The following GRIN2A variants were observed in gnomAD, a reference collection of about 807,000 sequenced individuals.
GRIN2A encodes the protein glutamate ionotropic receptor NMDA type subunit 2A, also known as glutamate receptor ionotropic, NMDA 2A.
GRIN2A carries 22 observed loss-of-function variants against 113.4 expected under a neutral mutation model. The ratio of observed to expected loss-of-function variants is 0.19; its 90% CI spans 0.14 to 0.28. The LOEUF (loss-of-function observed/expected upper bound fraction) is 0.28. Ranked by LOEUF, GRIN2A falls within the 10% of genes least tolerant of loss-of-function variation. The probability of loss-of-function intolerance (pLI) is 1.00; values close to 1 mark genes in which losing one functional copy is unlikely to be tolerated. For missense variants in GRIN2A, 1,502 were observed against 1,887.0 expected, an observed-to-expected ratio of 0.80 and a Z score of 3.78; for synonymous variants, 827 against 738.4, an observed-to-expected ratio of 1.12 and a Z score of -1.94.
chr16:10,109,232 C>A (rs530605018), intron 2 of GRIN2A, among the ~76,000 whole-genome samples: 1 of 151,930 alleles, frequency 6.6e-6, no homozygotes, highest in South Asian at 2.1e-4. Context: ...GAAATAGAAA[C>A]CTTCACCAAC....
At chr16:9,894,491 C>G (rs1470981005) in intron 3 of GRIN2A, among the ~76,000 whole-genome samples, 1 of 152,030 alleles carries the variant, frequency 6.6e-6, no homozygotes, top group Non-Finnish European at 1.5e-5. Context: ...TTGATGTTTC[C>G]TGGCTGGAGT....
In GRIN2A at chr16:9,901,907, C is replaced by T. The variant is rs770126132; in HGVS notation, c.1008-10807G>A. Among the ~76,000 whole-genome samples, 9 of 152,232 alleles carry T rather than the reference C, an allele frequency of 5.9e-5. No homozygotes were observed. In the East Asian group the frequency reaches 1.7e-3, roughly 29 times the overall value. ...GTCTCCCTGAATATGTGAGTAAGAG[C>T]GATCACTTAAGGATAAGGGACTAAA... On this transcript the variant is annotated intron_variant, in intron 3 of 12. Transcript: ENST00000330684.
In GRIN2A at chr16:10,110,837, A is replaced by G. The variant is rs547929653; in HGVS notation, c.414+69161T>C. 2.0e-5 allele frequency among the ~76,000 whole-genome samples: 3 copies of G among 152,354 alleles called. No individual in the cohort carries two copies. The South Asian group carries it at 6.2e-4, about 32-fold the overall frequency. On this transcript the variant is annotated intron_variant, in intron 2 of 12. Transcript: ENST00000330684. ...CAGAACCAAAAGATGAAAGGAGCTG[A>G]GCCCCTGAATCGTCACTTGTCAGAG...
intron 4 of GRIN2A, among the ~76,000 whole-genome samples, chr16:9,869,634 A>G (rs181074815): frequency 2.0e-5 from 3 of 152,288 alleles, no homozygotes; most frequent in Admixed American, 2.0e-4. Flanking sequence ...GACTAACTTT[A>G]CTTCTTGGAC....
At chr16:9,968,237 C>G (rs1221420629) in intron 2 of GRIN2A, among the ~76,000 whole-genome samples, 1 of 152,144 alleles carries the variant, frequency 6.6e-6, no homozygotes, top group Admixed American at 6.5e-5. Flanking sequence ...TCCCCTGCAT[C>G]TATCATTTCT....
At chr16:9,833,437 C>G (rs1165186015) in intron 8 of GRIN2A, among the ~76,000 whole-genome samples, 1 of 151,990 alleles carries the variant, frequency 6.6e-6, no homozygotes, top group Non-Finnish European at 1.5e-5. Flanking sequence ...TTTATAAAGT[C>G]ATTTTCTTTG....
intron 4 of GRIN2A, among the ~76,000 whole-genome samples, chr16:9,857,319 G>T (rs2042986507): frequency 6.6e-6 from 1 of 152,156 alleles, no homozygotes; most frequent in African/African-American, 2.4e-5. Context: ...TATACGAATT[G>T]ACTCATTATG....
chr16:9,949,071 G>C (rs774783303), intron 2 of GRIN2A, among the ~76,000 whole-genome samples: 1 of 152,176 alleles, frequency 6.6e-6, no homozygotes, highest in African/African-American at 2.4e-5. Context: ...TGAGGAAATA[G>C]GAAACAGCTG....
intron 1 of GRIN2A, among the ~76,000 whole-genome samples, chr16:10,181,298 G>C (rs966114329): frequency 6.6e-6 from 1 of 152,148 alleles, no homozygotes; most frequent in African/African-American, 2.4e-5. Context: ...GTCCCCCCGC[G>C]GGCCAGCGCG....
chr16:9,901,330 C>G (rs1030685063), intron 3 of GRIN2A, among the ~76,000 whole-genome samples: 5 of 152,142 alleles, frequency 3.3e-5, no homozygotes. Context: ...AACTAGACAT[C>G]CAGTGAGGTA....
rs1900496048 is a variant in GRIN2A, at chr16:9,759,735, T to C, written c.*3414A>G. ...TTGCAGAGGACATAACAGTAATGAG[T>C]GGTGAGATTGTGAGATTATAATCCT... On this transcript the variant is annotated 3_prime_UTR_variant, in exon 13 of 13. Coordinates refer to ENST00000330684, the MANE Select transcript of GRIN2A (RefSeq NM_001134407.3). The C allele has an allele frequency of 4.4e-6, 1 of 228,244 alleles. No homozygotes were observed. The highest frequency in any genetic ancestry group is 1.8e-4 in the South Asian group (1 of 5,484). The allele number at this position is 228,244 out of a possible 1,614,324, so 14.1% of individuals were successfully genotyped here. A position where few individuals can be genotyped will look rare whatever the true frequency, so the allele number is the denominator to read the frequency against.
At chr16:10,149,127 T>C (rs2049509464) in intron 2 of GRIN2A, among the ~76,000 whole-genome samples, 1 of 152,154 alleles carries the variant, frequency 6.6e-6, no homozygotes, top group African/African-American at 2.4e-5. Flanking sequence ...GTTCAAAAAA[T>C]AGAAAGAACG....
At chr16:10,097,196 T>C (rs2048311118) in intron 2 of GRIN2A, among the ~76,000 whole-genome samples, 1 of 152,264 alleles carries the variant, frequency 6.6e-6, no homozygotes, top group African/African-American at 2.4e-5. Context: ...TCGTGGTATA[T>C]ATTTTTGCAA....
At chr16:9,908,927 C>A (rs2044080047) in intron 3 of GRIN2A, among the ~76,000 whole-genome samples, 1 of 152,136 alleles carries the variant, frequency 6.6e-6, no homozygotes, top group Non-Finnish European at 1.5e-5. Context: ...AATGGTCAGC[C>A]AGGAGCAAGT....
intron 2 of GRIN2A, among the ~76,000 whole-genome samples, chr16:9,940,666 T>C (rs776592136): frequency 6.6e-6 from 1 of 152,174 alleles, no homozygotes; most frequent in Non-Finnish European, 1.5e-5. Flanking sequence ...GTATCTGAGA[T>C]TGTATTTTGT....
chr16:10,007,295 C>A (rs72774059), intron 2 of GRIN2A, among the ~76,000 whole-genome samples: 14,646 of 152,228 alleles, frequency 0.096, 802 homozygotes, highest in African/African-American at 0.12. Context: ...CAGCATTCAT[C>A]ATTGCCTGTC....
chr16:9,962,228 A>G (rs2045456968), intron 2 of GRIN2A, among the ~76,000 whole-genome samples: 1 of 152,244 alleles, frequency 6.6e-6, no homozygotes, highest in African/African-American at 2.4e-5. Context: ...TAAAACACCA[A>G]AAGCAATGGC....
At chr16:10,170,761 T>G (rs902161257) in intron 2 of GRIN2A, among the ~76,000 whole-genome samples, 1 of 151,962 alleles carries the variant, frequency 6.6e-6, no homozygotes, top group Admixed American at 6.6e-5. Context: ...CCTGTGTTCC[T>G]AGCTACTTGG....
intron 2 of GRIN2A, among the ~76,000 whole-genome samples, chr16:10,137,214 G>T (rs2049213194): frequency 6.6e-6 from 1 of 152,200 alleles, no homozygotes; most frequent in South Asian, 2.1e-4. Context: ...GGGGGCATAT[G>T]GGAAAGCCCC....
Sources: allele counts gnomAD v4.1 joint callset (sites outside exome capture counted in the v4.1 genomes callset), GRCh38; gene constraint gnomAD v4.1.1; transcripts MANE v1.5; gene names NCBI Gene and HGNC (gene_info 2026-07-23, HGNC 2026-07-21).